Variants in RAPGEF6 observed in about 807,000 individuals in gnomAD.
The protein encoded by RAPGEF6 is Rap guanine nucleotide exchange factor 6.
RAPGEF6 carries 56 observed loss-of-function variants against 171.4 expected under a neutral mutation model. The observed-to-expected ratio is 0.33, with a 90% CI of 0.26 to 0.41. RAPGEF6 has a LOEUF of 0.41. RAPGEF6 is among the 10% of genes least tolerant of loss of function. The probability of loss-of-function intolerance (pLI) is 1.00; values close to 1 mark genes in which losing one functional copy is unlikely to be tolerated. For synonymous variants in RAPGEF6, 692 were observed against 650.1 expected, an observed-to-expected ratio of 1.06 and a Z score of -0.98; for missense variants, 1,674 against 1,921.4, an observed-to-expected ratio of 0.87 and a Z score of 2.41.
intron 17 of RAPGEF6, among the ~76,000 whole-genome samples, chr5:131,465,912 T>C (rs895158027): frequency 2.0e-5 from 3 of 152,116 alleles, no homozygotes; most frequent in African/African-American, 7.2e-5. Context: ...AGCATCACCT[T>C]CTTAGCATTA....
intron 19 of RAPGEF6, among the ~76,000 whole-genome samples, chr5:131,460,477 G>A (rs1003558704): frequency 3.3e-5 from 5 of 152,108 alleles, no homozygotes; most frequent in Admixed American, 2.0e-4. Flanking sequence ...AACTGAGCCC[G>A]TAATTTTCAA....
intron 6 of RAPGEF6, among the ~76,000 whole-genome samples, chr5:131,531,605 A>T (rs1759376406): frequency 6.6e-6 from 1 of 152,192 alleles, no homozygotes; most frequent in African/African-American, 2.4e-5. Context: ...GATTTTCATG[A>T]GTATTTTCTT....
intron 6 of RAPGEF6, chr5:131,532,217 A>C (rs1759436308): frequency 7.4e-6 from 3 of 403,344 alleles, no homozygotes; most frequent in Admixed American, 7.3e-5. Flanking sequence ...GTACGGTGAT[A>C]AAATTCTGTT....
At chr5:131,466,483 TG>T (rs1298470205) in intron 17 of RAPGEF6, among the ~76,000 whole-genome samples, 1 of 152,212 alleles carries the variant, frequency 6.6e-6, no homozygotes, top group African/African-American at 2.4e-5. Flanking sequence ...CATCTTGAAT[TG>T]TAACTCCCAC....
At position 131,577,088 on chromosome 5, in the gene RAPGEF6, TG is replaced by T. The variant is rs200246726; in HGVS notation, c.282-15042del. The stretch of plus-strand genomic sequence containing the variant: ...GGTCTGGGTAGATACATTCACTGGA[TG>T]GGTAGAGGCCCACAGGGTCTGAGAA... On this transcript the variant is annotated intron_variant, in intron 4 of 27. Transcript: ENST00000509018. 2.3e-4 allele frequency among the ~76,000 whole-genome samples: 35 copies of T among 152,304 alleles called. No individual in the cohort carries two copies. In the East Asian group the frequency reaches 6.8e-3, roughly 29 times the overall value.
chr5:131,529,223 C>T (rs1025562024), intron 6 of RAPGEF6, among the ~76,000 whole-genome samples: 2 of 151,440 alleles, frequency 1.3e-5, no homozygotes, highest in Admixed American at 1.3e-4. Context: ...TGCCTGTAAT[C>T]CCAGCACTTT....
chr5:131,478,946 T>C (rs145638248), intron 16 of RAPGEF6, among the ~76,000 whole-genome samples: 1 of 152,332 alleles, frequency 6.6e-6, no homozygotes, highest in East Asian at 1.9e-4. Flanking sequence ...TTGTAATTGC[T>C]TCAGGAAGCT....
At chr5:131,509,254 G>T (rs956948696) in intron 8 of RAPGEF6, among the ~76,000 whole-genome samples, 4 of 152,068 alleles carry the variant, frequency 2.6e-5, no homozygotes, top group African/African-American at 9.7e-5. Context: ...TGTTTTAAGA[G>T]TACACATGGT....
intron 12 of RAPGEF6, among the ~76,000 whole-genome samples, chr5:131,497,789 T>A (rs1460630133): frequency 6.6e-6 from 1 of 152,244 alleles, no homozygotes; most frequent in East Asian, 1.9e-4. Context: ...CAGACAATTA[T>A]GATCCTACTT....
rs576391950 is a variant in RAPGEF6, at chr5:131,497,737, A to G, written c.1419+706T>C. On this transcript the variant is annotated intron_variant, in intron 12 of 27. Coordinates refer to ENST00000509018, the MANE Select transcript of RAPGEF6 (RefSeq NM_016340.6). Reference sequence around the variant, plus strand: ...TAAAAGAATTCTGCAGTTTACCTGCAACTAGTTTATTTCCTTTAAAATATA... The same window carrying G: ...TAAAAGAATTCTGCAGTTTACCTGCGACTAGTTTATTTCCTTTAAAATATA... 2.1e-3 allele frequency among the ~76,000 whole-genome samples: 319 copies of G among 152,352 alleles called. 1 individual carries two copies. Among genetic ancestry groups the G allele is most frequent in the African/African-American group, 7.5e-3 (310 of 41,576 alleles).
rs565447740 is a variant in RAPGEF6 at position 131,624,626 on chromosome 5, C to A, written c.69+10336G>T. ...CAAGACCTTGTCTTTAAAAACAAAACAAACAAACAAACAAACAAACAAAAA... is the reference window on the plus strand; with the variant it reads ...CAAGACCTTGTCTTTAAAAACAAAAAAAACAAACAAACAAACAAACAAAAA... On this transcript the variant is annotated intron_variant, in intron 1 of 27. Transcript: ENST00000509018. Among the ~76,000 whole-genome samples the A allele has an allele frequency of 3.2e-3, 485 of 151,804 alleles. 3 individuals carry two copies. Among genetic ancestry groups the A allele is most frequent in the African/African-American group, 0.011 (461 of 41,290 alleles).
At chr5:131,622,290 T>C (rs760500604) in intron 1 of RAPGEF6, among the ~76,000 whole-genome samples, 4 of 152,214 alleles carry the variant, frequency 2.6e-5, no homozygotes, top group Admixed American at 6.5e-5. Flanking sequence ...TTCTGAGAGA[T>C]TGAGGAATTT....
chr5:131,554,785 G>C (rs551627664), intron 5 of RAPGEF6, among the ~76,000 whole-genome samples: 7 of 152,250 alleles, frequency 4.6e-5, no homozygotes, highest in Middle Eastern at 3.4e-3. Flanking sequence ...CCGAAGTGCT[G>C]GGATTACAGG....
intron 4 of RAPGEF6, among the ~76,000 whole-genome samples, chr5:131,589,054 A>C (rs971227966): frequency 6.6e-6 from 1 of 152,014 alleles, no homozygotes; most frequent in African/African-American, 2.4e-5. Flanking sequence ...TGGGTGACAG[A>C]GTGAGACTCT....
At position 131,529,332 on chromosome 5, in the gene RAPGEF6, C is replaced by T. The variant is rs145373196; in HGVS notation, c.496-7811G>A. Among the ~76,000 whole-genome samples, 163 of 151,878 alleles carry T rather than the reference C, an allele frequency of 1.1e-3. 1 individual carries two copies. Among genetic ancestry groups the T allele is most frequent in the African/African-American group, 3.6e-3 (148 of 41,418 alleles). On this transcript the variant is annotated intron_variant, in intron 6 of 27. Transcript: ENST00000509018. ...CTCCACTAAAAACACAAAAATTAGCCGGGAGTGGTGGCAGATGCCTGTAGT... is the reference window on the plus strand; with the variant it reads ...CTCCACTAAAAACACAAAAATTAGCTGGGAGTGGTGGCAGATGCCTGTAGT...
At position 131,498,193 on chromosome 5, in the gene RAPGEF6, T is replaced by A. The variant is rs534944233; in HGVS notation, c.1419+250A>T. Among the ~76,000 whole-genome samples, 5 of 152,370 alleles carry A rather than the reference T, an allele frequency of 3.3e-5. No homozygotes were observed. In the East Asian group the frequency reaches 9.6e-4, roughly 29 times the overall value. On this transcript the variant is annotated intron_variant, in intron 12 of 27. Coordinates refer to ENST00000509018, the MANE Select transcript of RAPGEF6 (RefSeq NM_016340.6). ...CTAAAATACTCTCATGTAACTATTA[T>A]GTTTCCTGAACCTATAGCTATACCA... is the stretch of plus-strand genomic sequence containing the variant.
At chr5:131,498,373 T>C in intron 12 of RAPGEF6, 70 bp downstream of exon 12, 1 of 1,365,820 alleles carries the variant, frequency 7.3e-7, no homozygotes, top group East Asian at 2.3e-5. Context: ...ACAGGTAATC[T>C]ATCAACTATA....
At chr5:131,557,049 C>T (rs867675614) in intron 5 of RAPGEF6, among the ~76,000 whole-genome samples, 2 of 152,084 alleles carry the variant, frequency 1.3e-5, no homozygotes, top group African/African-American at 4.8e-5. Context: ...GGACTGCAGA[C>T]GTGTGTCACA....
intron 27 of RAPGEF6, among the ~76,000 whole-genome samples, chr5:131,427,803 T>G (rs1751462445): frequency 6.6e-6 from 1 of 152,186 alleles, no homozygotes; most frequent in African/African-American, 2.4e-5. Context: ...CTTGCCCATT[T>G]CATTTAAAAA....
Sources: gnomAD v4.1 joint callset for allele counts (sites outside exome capture counted in the v4.1 genomes callset) on GRCh38, gnomAD v4.1.1 for gene constraint, MANE v1.5 for transcripts, NCBI Gene and HGNC (gene_info 2026-07-23, HGNC 2026-07-21) for gene names.